Variants in UST observed in about 807,000 individuals in gnomAD.
UST encodes the protein chondroitin sulfate 2-O-sulfotransferase.
Under a neutral mutation model 45.6 loss-of-function variants are expected in UST, and 21 were observed. The ratio of observed to expected loss-of-function variants is 0.46; its 90% CI spans 0.33 to 0.66. The LOEUF is 0.66. Ranked by LOEUF, UST falls within the 30% of genes least tolerant of loss-of-function variation. The pLI is 0.02. For missense variants in UST, 463 were observed against 512.4 expected, an observed-to-expected ratio of 0.90 and a Z score of 0.93; for synonymous variants, 215 against 200.6, an observed-to-expected ratio of 1.07 and a Z score of -0.61.
At chr6:148,984,941 A>T (rs1369155277) in intron 5 of UST, among the ~76,000 whole-genome samples, 1 of 152,256 alleles carries the variant, frequency 6.6e-6, no homozygotes, top group Non-Finnish European at 1.5e-5. Context: ...CTATGTAATA[A>T]GATCAACAAT....
At chr6:149,003,770 G>A (rs769030561) in intron 5 of UST, among the ~76,000 whole-genome samples, 8 of 152,238 alleles carry the variant, frequency 5.3e-5, no homozygotes, top group Non-Finnish European at 1.0e-4. Flanking sequence ...GGCTGGAAGA[G>A]CATTGAATCT....
intron 5 of UST, among the ~76,000 whole-genome samples, chr6:148,997,285 T>A (rs1781470694): frequency 6.6e-6 from 1 of 152,216 alleles, no homozygotes. Context: ...TGTAGTCATG[T>A]TTTATTTTAG....
At chr6:149,071,429 G>A (rs1776817118) in intron 7 of UST, among the ~76,000 whole-genome samples, 2 of 152,188 alleles carry the variant, frequency 1.3e-5, no homozygotes, top group African/African-American at 4.8e-5. Context: ...AAAAGAAAAT[G>A]TGAGGGCAAA....
rs146818892 is a variant in UST at position 148,909,719 on chromosome 6, T to A, written c.291+22690T>A. The stretch of plus-strand genomic sequence containing the variant: ...CACTTAGAAAATTGCCAGCTAGTGC[T>A]CCTGCCTTCTAAGTGATTACTTTGC... On this transcript the variant is annotated intron_variant, in intron 2 of 7. Coordinates refer to ENST00000367463, the MANE Select transcript of UST (RefSeq NM_005715.3). 1.7e-3 allele frequency among the ~76,000 whole-genome samples: 257 copies of A among 152,328 alleles called. 1 individual carries two copies. Among genetic ancestry groups the A allele is most frequent in the African/African-American group, 5.9e-3 (247 of 41,582 alleles).
rs1426351746 is a variant in UST at position 148,950,007 on chromosome 6, A to G, written c.448-3865A>G. The stretch of plus-strand genomic sequence containing the variant: ...ACGTATTTGGTTGTCCTAGCCAGGA[A>G]TCTGGGAAGGAAGCTCTCTTGGCCA... On this transcript the variant is annotated intron_variant, in intron 3 of 7. Transcript: ENST00000367463. Among the ~76,000 whole-genome samples the G allele has an allele frequency of 2.0e-5, 3 of 152,200 alleles. No homozygotes were observed. In the East Asian group the frequency reaches 5.8e-4, roughly 29 times the overall value.
rs189200479 is a variant in UST at position 148,992,423 on chromosome 6, C to T, written c.682-26716C>T. Among the ~76,000 whole-genome samples the T allele has an allele frequency of 1.8e-3, 278 of 152,238 alleles. 1 individual carries two copies. The highest frequency in any genetic ancestry group is 6.4e-3 in the African/African-American group (264 of 41,534). On this transcript the variant is annotated intron_variant, in intron 5 of 7. Coordinates refer to ENST00000367463, the MANE Select transcript of UST (RefSeq NM_005715.3). ...GGCGGAGCTTGCAGTGAGCCGAGATCGCGCCACTGCACTCCAGCCTGGGCG... is the reference window on the plus strand; with the variant it reads ...GGCGGAGCTTGCAGTGAGCCGAGATTGCGCCACTGCACTCCAGCCTGGGCG...
intron 1 of UST, among the ~76,000 whole-genome samples, chr6:148,806,497 T>C (rs1448279643): frequency 2.6e-5 from 1 of 38,846 alleles, no homozygotes. Flanking sequence ...CACCACTGGC[T>C]TTTTTTTTTT....
chr6:148,854,365 A>G (rs1778162644), intron 1 of UST, among the ~76,000 whole-genome samples: 1 of 152,216 alleles, frequency 6.6e-6, no homozygotes, highest in Non-Finnish European at 1.5e-5. Flanking sequence ...ATGATAAATT[A>G]CATACTTCCG....
intron 5 of UST, among the ~76,000 whole-genome samples, chr6:148,987,775 C>T (rs1346728570): frequency 6.6e-6 from 1 of 152,134 alleles, no homozygotes; most frequent in East Asian, 1.9e-4. Context: ...ATGAGAATTC[C>T]TACTGCCATG....
In UST at chr6:148,790,803, T is replaced by C. The variant is rs1270796638; in HGVS notation, c.247+43126T>C. On this transcript the variant is annotated intron_variant, in intron 1 of 7. Coordinates refer to ENST00000367463, the MANE Select transcript of UST (RefSeq NM_005715.3). This position sits in a 1 kb window ranked among gnomAD's most constrained non-coding sequence, Gnocchi z 4.2. Reference sequence around the variant, plus strand: ...TTGCGTCAATCTGGGACAACTCTGATGGGCCATCCCAGTTCCAGAGCTCCT... The same window carrying C: ...TTGCGTCAATCTGGGACAACTCTGACGGGCCATCCCAGTTCCAGAGCTCCT... Among the ~76,000 whole-genome samples the C allele has an allele frequency of 6.6e-6, 1 of 152,244 alleles. No individual in the cohort carries two copies. Among genetic ancestry groups the C allele is most frequent in the East Asian group, 1.9e-4 (1 of 5,190 alleles).
chr6:148,939,180 A>G (rs571351568), intron 2 of UST, among the ~76,000 whole-genome samples: 2 of 152,264 alleles, frequency 1.3e-5, no homozygotes, highest in East Asian at 3.9e-4. Context: ...ACAACAAAAC[A>G]TCAAAGAAAC....
chr6:148,893,576 T>G (rs549197333), intron 2 of UST, among the ~76,000 whole-genome samples: 2 of 152,232 alleles, frequency 1.3e-5, no homozygotes, highest in Non-Finnish European at 2.9e-5. Flanking sequence ...CTAAGTGACA[T>G]GCATTCATCC....
intron 1 of UST, among the ~76,000 whole-genome samples, chr6:148,762,535 C>CTT (rs373630504): frequency 1.4e-3 from 182 of 133,782 alleles, no homozygotes; most frequent in East Asian, 4.2e-3. Context: ...AGGCTTCTAT[C>CTT]TTTTTTTTTT....
At chr6:148,898,634 A>G (rs1300665071) in intron 2 of UST, among the ~76,000 whole-genome samples, 4 of 152,268 alleles carry the variant, frequency 2.6e-5, no homozygotes, top group South Asian at 4.1e-4. Context: ...CAAGAAGAAC[A>G]TAATGAATTC....
intron 2 of UST, among the ~76,000 whole-genome samples, chr6:148,887,358 C>A (rs888864809): frequency 2.6e-5 from 4 of 152,234 alleles, no homozygotes; most frequent in African/African-American, 7.2e-5. Context: ...GTGTGATAGC[C>A]ACACCCGGCC....
chr6:149,068,188 A>T (rs1047450072), intron 7 of UST, among the ~76,000 whole-genome samples: 1 of 152,176 alleles, frequency 6.6e-6, no homozygotes, highest in East Asian at 1.9e-4. Flanking sequence ...ATTGACCATT[A>T]TGCTCTACCA....
chr6:148,996,063 T>A (rs990918627), intron 5 of UST, among the ~76,000 whole-genome samples: 2 of 152,234 alleles, frequency 1.3e-5, no homozygotes, highest in African/African-American at 4.8e-5. Flanking sequence ...CGTTGAAGGA[T>A]GCTACATTCA....
At chr6:148,752,572 A>G (rs968925722) in intron 1 of UST, among the ~76,000 whole-genome samples, 3 of 152,212 alleles carry the variant, frequency 2.0e-5, no homozygotes, top group South Asian at 2.1e-4. Context: ...TTTAATGTAG[A>G]CTAGTCTTAG....
At chr6:148,871,117 C>CCTCTCTCTCCCTCTCTCTCT (rs1778544448) in intron 1 of UST, among the ~76,000 whole-genome samples, 1 of 97,586 alleles carries the variant, frequency 1.0e-5, no homozygotes, top group East Asian at 3.3e-4. Flanking sequence ...GCATTCTCTC[C>CCTCTCTCTCCCTCTCTCTCT]CTCTCTCTCT....
Sources: allele counts gnomAD v4.1 joint callset (sites outside exome capture counted in the v4.1 genomes callset), GRCh38; gene constraint gnomAD v4.1.1; non-coding constraint Gnocchi (gnomAD v3.1); transcripts MANE v1.5; gene names NCBI Gene and HGNC (gene_info 2026-07-23, HGNC 2026-07-21).